VAV2: variants seen among roughly 807,000 people sequenced by gnomAD.
The protein encoded by VAV2 is vav guanine nucleotide exchange factor 2, also known as guanine nucleotide exchange factor VAV2.
In VAV2, 67 loss-of-function variants were observed where a neutral mutation model predicts 132.5. The observed-to-expected ratio is 0.51, with a 90% CI of 0.42 to 0.62. The LOEUF is 0.62. Among genes scored for constraint, VAV2 ranks in the 20% least tolerant of loss-of-function variants. The pLI is 0.00. For synonymous variants in VAV2, 492 were observed against 443.5 expected (o/e 1.11, Z -1.37); for missense variants, 938 against 1,153.6 (o/e 0.81, Z 2.71).
rs904627407 is a variant in VAV2 at position 133,912,631 on chromosome 9, G to A, written c.321+26472C>T. Among the ~76,000 whole-genome samples, 1 of 152,110 alleles carries A rather than the reference G, an allele frequency of 6.6e-6. No individual in the cohort carries two copies. Among genetic ancestry groups the A allele is most frequent in the African/African-American group, 2.4e-5 (1 of 41,408 alleles). On this transcript the variant is annotated intron_variant, in intron 2 of 29. Coordinates refer to ENST00000371850, the MANE Select transcript of VAV2 (RefSeq NM_001134398.2). This position sits in a 1 kb window ranked among gnomAD's most constrained non-coding sequence, Gnocchi z 4.3. Reference sequence around the variant, plus strand: ...GCGGAACACAAATTACACGTGTGATGCTCTTCTCCACGTGTGCACAGCACT... The same window carrying A: ...GCGGAACACAAATTACACGTGTGATACTCTTCTCCACGTGTGCACAGCACT...
chr9:133,880,058 G>A (rs997307423), intron 2 of VAV2, among the ~76,000 whole-genome samples: 3 of 152,256 alleles, frequency 2.0e-5, no homozygotes, highest in African/African-American at 7.2e-5. Context: ...CCATCTGGAA[G>A]TAGAGGAGAA....
intron 25 of VAV2, among the ~76,000 whole-genome samples, chr9:133,774,692 G>A (rs976023260): frequency 8.5e-5 from 13 of 152,190 alleles, no homozygotes; most frequent in Admixed American, 7.2e-4. Flanking sequence ...CCAGCCCACA[G>A]GGCAGCCAGG....
intron 3 of VAV2, 187 bp downstream of exon 3, chr9:133,861,187 T>C: frequency 7.1e-6 from 4 of 562,476 alleles, no homozygotes; most frequent in Admixed American, 3.8e-5. Flanking sequence ...CGGTGTGAGC[T>C]GAAGCCTCCC....
chr9:133,956,986 A>C (rs543772673), intron 1 of VAV2, among the ~76,000 whole-genome samples: 15 of 152,286 alleles, frequency 9.8e-5, no homozygotes, highest in African/African-American at 3.6e-4. Flanking sequence ...AAAAGGGCAG[A>C]CTGCAGCACC....
rs1840195790 is a variant in VAV2, at chr9:133,918,824, G to T, written c.321+20279C>A. Reference sequence around the variant, plus strand: ...AGAGTCTTGTTCTGTCGCCCAGGCTGAAGTGCAGTGGTGCGATCTCGGCTC... The same window carrying T: ...AGAGTCTTGTTCTGTCGCCCAGGCTTAAGTGCAGTGGTGCGATCTCGGCTC... On this transcript the variant is annotated intron_variant, in intron 2 of 29. Transcript: ENST00000371850. The surrounding 1 kb of genome is among the most constrained non-coding windows in gnomAD (Gnocchi z 4.7). 6.6e-6 allele frequency among the ~76,000 whole-genome samples: 1 copy of T among 152,078 alleles called. No homozygotes were observed. The highest frequency in any genetic ancestry group is 1.9e-4 in the East Asian group (1 of 5,180).
intron 1 of VAV2, among the ~76,000 whole-genome samples, chr9:133,940,436 C>G (rs2810532): frequency 0.7 from 106,025 of 152,032 alleles, 37,032 homozygotes; most frequent in East Asian, 0.81. Context: ...ACATAGTGCA[C>G]GTCAGAATCA....
intron 2 of VAV2, among the ~76,000 whole-genome samples, chr9:133,937,030 A>C (rs186310328): frequency 1.3e-5 from 2 of 152,352 alleles, no homozygotes; most frequent in East Asian, 3.9e-4. Flanking sequence ...GTCTTACATC[A>C]CTGCATTCCG....
chr9:133,823,007 T>C lies in VAV2; in HGVS notation c.450-10791A>G, dbSNP rs1310706282. On this transcript the variant is annotated intron_variant, in intron 4 of 29. Transcript: ENST00000371850. The surrounding 1 kb of genome is among the most constrained non-coding windows in gnomAD (Gnocchi z 5.5). ...CCTTGCAGAGTTGTGAGGGCTGAGA[T>C]GAAGCGGCAAAGCCCAGGGCCTGGC... 6.6e-6 allele frequency among the ~76,000 whole-genome samples: 1 copy of C among 152,184 alleles called. No homozygotes were observed. The highest frequency in any genetic ancestry group is 1.5e-5 in the Non-Finnish European group (1 of 68,036).
At chr9:133,933,513 T>C (rs1228136476) in intron 2 of VAV2, among the ~76,000 whole-genome samples, 1 of 146,954 alleles carries the variant, frequency 6.8e-6, no homozygotes, top group African/African-American at 2.6e-5. Flanking sequence ...GGTGAATGGA[T>C]GGATGAATGA....
At chr9:133,878,940 C>T (rs1443193519) in intron 2 of VAV2, among the ~76,000 whole-genome samples, 2 of 152,174 alleles carry the variant, frequency 1.3e-5, no homozygotes, top group African/African-American at 2.4e-5. Flanking sequence ...AGGGTCGGGT[C>T]GCCCCATTCG....
intron 3 of VAV2, among the ~76,000 whole-genome samples, chr9:133,853,445 C>T (rs116051254): frequency 0.014 from 2,089 of 152,228 alleles, 45 homozygotes; most frequent in African/African-American, 0.047. Context: ...CCTGCCCCAG[C>T]GGCCTCTGCT....
chr9:133,767,886 T>C (rs928456797), intron 29 of VAV2, among the ~76,000 whole-genome samples: 1 of 151,880 alleles, frequency 6.6e-6, no homozygotes, highest in Admixed American at 6.6e-5. Flanking sequence ...CCAGATGGGG[T>C]GTTGGGATGA....
chr9:133,878,365 C>G (rs573830867), intron 2 of VAV2, among the ~76,000 whole-genome samples: 2 of 152,360 alleles, frequency 1.3e-5, no homozygotes, highest in African/African-American at 4.8e-5. Context: ...AAGGATCTGA[C>G]CGAACTGAGC....
chr9:133,966,763 G>A (rs983300874), intron 1 of VAV2, among the ~76,000 whole-genome samples: 5 of 151,716 alleles, frequency 3.3e-5, no homozygotes, highest in Admixed American at 6.6e-5. Context: ...GGCCGAGCAC[G>A]ATGGCTCATG....
chr9:133,921,934 T>C (rs531724525), intron 2 of VAV2, among the ~76,000 whole-genome samples: 54 of 152,360 alleles, frequency 3.5e-4, no homozygotes, highest in Non-Finnish European at 6.5e-4. Flanking sequence ...TCTAATCCCG[T>C]TGATGGGCAG....
At position 133,905,674 on chromosome 9, in the gene VAV2, T is replaced by C. The variant is rs994065492; in HGVS notation, c.321+33429A>G. Among the ~76,000 whole-genome samples, 3 of 151,978 alleles carry C rather than the reference T, an allele frequency of 2.0e-5. No individual in the cohort carries two copies. The South Asian group carries it at 6.2e-4, about 31-fold the overall frequency. On this transcript the variant is annotated intron_variant, in intron 2 of 29. Transcript: ENST00000371850. The stretch of plus-strand genomic sequence containing the variant: ...TGACATCTGGGGAGCTGATGGACAA[T>C]GGGGCCTGAAGACCAGCCCTGGGGG...
chr9:133,930,598 C>T (rs1181087638), intron 2 of VAV2, among the ~76,000 whole-genome samples: 1 of 152,258 alleles, frequency 6.6e-6, no homozygotes, highest in East Asian at 1.9e-4. Flanking sequence ...AAACGGGGCC[C>T]CTGTCATCAG....
intron 1 of VAV2, among the ~76,000 whole-genome samples, chr9:133,980,754 T>C (rs1842666858): frequency 6.6e-6 from 1 of 152,194 alleles, no homozygotes; most frequent in South Asian, 2.1e-4. Context: ...GCTGGTGGCA[T>C]GCAGCTTCCT....
intron 2 of VAV2, among the ~76,000 whole-genome samples, chr9:133,933,572 G>A (rs2519815): frequency 0.81 from 121,329 of 149,642 alleles, 50,521 homozygotes; most frequent in East Asian, 0.92. Flanking sequence ...ATGGATGGAT[G>A]GATGGTGGAT....
Sources: allele counts gnomAD v4.1 joint callset (sites outside exome capture counted in the v4.1 genomes callset), GRCh38; gene constraint gnomAD v4.1.1; non-coding constraint Gnocchi (gnomAD v3.1); transcripts MANE v1.5; gene names NCBI Gene and HGNC (gene_info 2026-07-23, HGNC 2026-07-21).